Variants in PCDH11X observed in about 807,000 individuals in gnomAD.
PCDH11X encodes protocadherin 11 X-linked, also known as protocadherin-11 X-linked.
A neutral mutation model predicts 53.3 loss-of-function variants in PCDH11X; 18 were observed. That is an observed-to-expected ratio of 0.34 (90% CI 0.23 to 0.50). The LOEUF is 0.50. PCDH11X is among the 20% of genes least tolerant of loss of function. The pLI, the probability that PCDH11X is intolerant of heterozygous loss-of-function variation, is 0.98. For missense variants in PCDH11X, 570 were observed against 1,032.4 expected (o/e 0.55, Z 6.14); for synonymous variants, 279 against 393.3 (o/e 0.71, Z 3.44).
chrX:92,591,547 G>A (rs1244737056), intron 10 of PCDH11X, among the ~76,000 whole-genome samples: 3 of 111,590 alleles, frequency 2.7e-5, no homozygotes, highest in African/African-American at 9.8e-5. Flanking sequence ...AGGTTGGTCA[G>A]TTACAAACTA....
intron 6 of PCDH11X, among the ~76,000 whole-genome samples, chrX:91,915,091 T>C (rs1210142897): frequency 9.5e-6 from 1 of 105,561 alleles, no homozygotes. Flanking sequence ...GGTCCCATCT[T>C]TAGCCCCCTG....
chrX:91,887,471 T>C (rs760779312), intron 6 of PCDH11X, among the ~76,000 whole-genome samples: 86 of 111,735 alleles, frequency 7.7e-4, no homozygotes, highest in African/African-American at 2.6e-3. Context: ...ACATCTTTGG[T>C]TTAATGTATT....
chrX:91,875,306 C>G (rs1366938299), intron 5 of PCDH11X, among the ~76,000 whole-genome samples: 1 of 79,642 alleles, frequency 1.3e-5, no homozygotes, highest in Admixed American at 1.7e-4. Context: ...TTTTTTGAGA[C>G]GAGTCTCACT....
chrX:92,542,334 T>C (rs2148738580), intron 10 of PCDH11X, among the ~76,000 whole-genome samples: 1 of 111,636 alleles, frequency 9.0e-6, no homozygotes, highest in Admixed American at 9.5e-5. Flanking sequence ...TAGGAGATGA[T>C]GAAGAGTTGC....
chrX:92,075,118 G>T (rs7054047), intron 6 of PCDH11X, among the ~76,000 whole-genome samples: 5,892 of 109,194 alleles, frequency 0.054, 194 homozygotes, highest in Non-Finnish European at 0.086. Flanking sequence ...CAGAGGGATT[G>T]TGTTCTCCTT....
chrX:92,111,219 T>TAAAAAAAAAAAAAAAAAA (rs771823629), intron 6 of PCDH11X, among the ~76,000 whole-genome samples: 9 of 19,817 alleles, frequency 4.5e-4, no homozygotes, highest in South Asian at 7.8e-3. Flanking sequence ...CACCTAACGC[T>TAAAAAAAAAAAAAAAAAA]AAAAAAAAAA....
chrX:91,970,946 G>A (rs1361139255), intron 6 of PCDH11X, among the ~76,000 whole-genome samples: 1 of 111,145 alleles, frequency 9.0e-6, no homozygotes, highest in Non-Finnish European at 1.9e-5. Flanking sequence ...AAATTGAAAG[G>A]CATTGTCAAC....
At chrX:91,779,774 C>T (rs780177531) in intron 1 of PCDH11X, 90 bp downstream of exon 1, 103 of 104,244 alleles carry the variant, frequency 9.9e-4, no homozygotes, top group African/African-American at 2.9e-3. Flanking sequence ...GCTGCCTGCC[C>T]CTGAGGTCTG....
chrX:92,223,622 G>A lies in PCDH11X; in HGVS notation c.3114+22167G>A, dbSNP rs190257163. ...CATAAGAACTTGGGCTTTGAGGTCA[G>A]ATAATTTTGGGTTTGAATACCAATG... On this transcript the variant is annotated intron_variant, in intron 7 of 10. Transcript: ENST00000682573. Among the ~76,000 whole-genome samples, 101 of 112,000 alleles carry A rather than the reference G, an allele frequency of 9.0e-4. 1 individual carries two copies. Among genetic ancestry groups the A allele is most frequent in the Admixed American group, 2.5e-3 (26 of 10,505 alleles).
chrX:92,543,545 A>G (rs2074792139), intron 10 of PCDH11X, among the ~76,000 whole-genome samples: 1 of 107,791 alleles, frequency 9.3e-6, no homozygotes, highest in Admixed American at 1.0e-4. Flanking sequence ...ATAGACTAGA[A>G]GCTATGATAT....
chrX:92,087,066 C>G (rs1356651346), intron 6 of PCDH11X, among the ~76,000 whole-genome samples: 2 of 109,417 alleles, frequency 1.8e-5, no homozygotes, highest in Admixed American at 2.0e-4. Flanking sequence ...TTAGGGTGGT[C>G]TGGGTGGTCT....
At chrX:92,574,650 C>T (rs1266998033) in intron 10 of PCDH11X, among the ~76,000 whole-genome samples, 7 of 111,056 alleles carry the variant, frequency 6.3e-5, no homozygotes, top group Non-Finnish European at 1.9e-5. Flanking sequence ...ATATTGTCAT[C>T]TAGTGGAATT....
intron 6 of PCDH11X, among the ~76,000 whole-genome samples, chrX:92,048,712 G>T (rs1261643383): frequency 2.7e-5 from 3 of 109,571 alleles, no homozygotes; most frequent in Non-Finnish European, 5.7e-5. Flanking sequence ...ATCAAATACA[G>T]TTGTTGATGA....
At chrX:92,153,090 T>C (rs1261371182) in intron 6 of PCDH11X, among the ~76,000 whole-genome samples, 3 of 108,471 alleles carry the variant, frequency 2.8e-5, no homozygotes, top group Admixed American at 1.0e-4. Context: ...CTGGCCTCTT[T>C]CGATATTAAC....
At chrX:92,084,336 T>C (rs1305991726) in intron 6 of PCDH11X, among the ~76,000 whole-genome samples, 2 of 109,049 alleles carry the variant, frequency 1.8e-5, no homozygotes, top group Admixed American at 9.9e-5. Flanking sequence ...TCAACTGAGG[T>C]TGGGAGTTCA....
chrX:91,977,086 C>A (rs2062056405), intron 6 of PCDH11X, among the ~76,000 whole-genome samples: 1 of 111,011 alleles, frequency 9.0e-6, no homozygotes, highest in Admixed American at 9.6e-5. Context: ...AAGTAGACAC[C>A]ATGTCTGCAT....
At chrX:92,389,890 AT>A (rs2071088419) in intron 9 of PCDH11X, among the ~76,000 whole-genome samples, 1 of 108,937 alleles carries the variant, frequency 9.2e-6, no homozygotes, top group African/African-American at 3.3e-5. Context: ...CTCTCTTCTA[AT>A]TATATTTACA....
At chrX:92,355,417 CAAAAAAAAAAAAAAA>C (rs57339128) in intron 8 of PCDH11X, among the ~76,000 whole-genome samples, 6 of 23,588 alleles carry the variant, frequency 2.5e-4, no homozygotes, top group Non-Finnish European at 3.1e-4. Context: ...GACTCCGTCT[CAAAAAAAAAAAAAAA>C]AAAAAAAAAA....
chrX:91,797,635 T>A (rs1342471020), intron 1 of PCDH11X, among the ~76,000 whole-genome samples: 2 of 110,377 alleles, frequency 1.8e-5, no homozygotes, highest in Non-Finnish European at 3.8e-5. Flanking sequence ...ATCTGCATAA[T>A]ACATCTAGTT....
Sources: allele counts gnomAD v4.1 joint callset (sites outside exome capture counted in the v4.1 genomes callset), GRCh38; gene constraint gnomAD v4.1.1; transcripts MANE v1.5; gene names NCBI Gene and HGNC (gene_info 2026-07-23, HGNC 2026-07-21).